Variants in MORC1 observed in about 807,000 individuals in gnomAD.
MORC1 encodes the protein MORC family CW-type zinc finger 1.
In MORC1, 59 loss-of-function variants were observed where a neutral mutation model predicts 134.9. The ratio of observed to expected loss-of-function variants is 0.44; its 90% CI spans 0.35 to 0.54. The LOEUF (loss-of-function observed/expected upper bound fraction) is 0.54, where lower values mean the gene tolerates loss of function less well. MORC1 is among the 20% of genes least tolerant of loss of function. The pLI is 0.00. For missense variants in MORC1, 947 were observed against 1,134.5 expected, an observed-to-expected ratio of 0.83 and a Z score of 2.37; for synonymous variants, 395 against 391.7, an observed-to-expected ratio of 1.01 and a Z score of -0.10.
intron 15 of MORC1, among the ~76,000 whole-genome samples, chr3:109,033,235 T>C (rs1262008916): frequency 3.4e-5 from 5 of 147,738 alleles, no homozygotes; most frequent in Non-Finnish European, 7.4e-5. Context: ...AACCATGATC[T>C]CAACTAGTAT....
chr3:108,986,919 A>T lies in MORC1; in HGVS notation c.2218T>A (p.Leu740Met), dbSNP rs1409064877. 1 of 1,577,702 alleles carries T rather than the reference A, an allele frequency of 6.3e-7. No individual in the cohort carries two copies. Among genetic ancestry groups the T allele is most frequent in the East Asian group, 2.2e-5 (1 of 44,658 alleles). The change falls in exon 22 of 28, where the codon TTG (leucine) becomes ATG (methionine). Residue 740 changes from leucine (L) to methionine (M), a missense_variant. Leu to Met is a conservative substitution (Grantham distance 15). Coordinates refer to ENST00000232603, the MANE Select transcript of MORC1 (RefSeq NM_014429.4). The part of the protein sequence containing the change: ...VSDKSNTDVS[L>M]KQEKKEIPLL... ...GGAATTTCCTTTTTTTCTTGTTTCA[A>T]TGAAACATCAGTGTTGCTTTTATCT...
At chr3:108,965,702 A>G (rs531130456) in intron 26 of MORC1, among the ~76,000 whole-genome samples, 1 of 152,262 alleles carries the variant, frequency 6.6e-6, no homozygotes, top group South Asian at 2.1e-4. Flanking sequence ...TTGATATTGT[A>G]CCATAATTAT....
At chr3:109,000,027 C>T (rs1948356054) in intron 21 of MORC1, among the ~76,000 whole-genome samples, 3 of 152,100 alleles carry the variant, frequency 2.0e-5, no homozygotes, top group Admixed American at 2.0e-4. Flanking sequence ...CAACTCGATT[C>T]TACAGAAGCC....
At chr3:108,959,423 T>C (rs1947021525) in intron 27 of MORC1, among the ~76,000 whole-genome samples, 1 of 152,210 alleles carries the variant, frequency 6.6e-6, no homozygotes, top group African/African-American at 2.4e-5. Context: ...TCATCCTTCT[T>C]TGTTATAGAC....
At chr3:108,999,829 G>T (rs1160759869) in intron 21 of MORC1, among the ~76,000 whole-genome samples, 1 of 152,072 alleles carries the variant, frequency 6.6e-6, no homozygotes, top group Admixed American at 6.6e-5. Context: ...ATACCAAATA[G>T]ATTTTTCCCT....
Position 109,074,594 on chromosome 3 carries a change from T to C in MORC1, c.690-4837A>G, listed in dbSNP as rs116385162. Among the ~76,000 whole-genome samples the C allele has an allele frequency of 5.1e-3, 779 of 152,324 alleles. 17 individuals carry two copies. Among genetic ancestry groups the C allele is most frequent in the African/African-American group, 0.018 (747 of 41,576 alleles). ...CCTAATGAAGATCTCCAATGATCTTTAAGGATGAAGGACAATGGAACTGAC... is the reference window on the plus strand; with the variant it reads ...CCTAATGAAGATCTCCAATGATCTTCAAGGATGAAGGACAATGGAACTGAC... On this transcript the variant is annotated intron_variant, in intron 8 of 27. Transcript: ENST00000232603.
At chr3:109,000,798 T>C in intron 20 of MORC1, 140 bp from the exon 21 acceptor site, 1 of 611,956 alleles carries the variant, frequency 1.6e-6, no homozygotes, top group South Asian at 2.3e-5. Flanking sequence ...TTTCCGATCT[T>C]TGTGTATGAT....
At chr3:109,081,185 T>A (rs959453252) in intron 8 of MORC1, among the ~76,000 whole-genome samples, 3 of 151,888 alleles carry the variant, frequency 2.0e-5, no homozygotes, top group Admixed American at 6.6e-5. Flanking sequence ...CAAAGAAAAA[T>A]GTTGACAGAT....
chr3:109,048,160 G>A (rs1488775577), intron 14 of MORC1, among the ~76,000 whole-genome samples: 1 of 152,136 alleles, frequency 6.6e-6, no homozygotes, highest in Non-Finnish European at 1.5e-5. Flanking sequence ...ATAAACTTAA[G>A]GAAGAACAGA....
At chr3:109,066,114 A>C (rs1023876286) in intron 9 of MORC1, among the ~76,000 whole-genome samples, 3 of 152,108 alleles carry the variant, frequency 2.0e-5, no homozygotes, top group African/African-American at 4.8e-5. Context: ...CCCAAACGTC[A>C]GCATCACACA....
intron 2 of MORC1, among the ~76,000 whole-genome samples, chr3:109,111,244 A>T (rs1280170304): frequency 2.0e-5 from 3 of 152,130 alleles, no homozygotes; most frequent in Non-Finnish European, 4.4e-5. Flanking sequence ...TCTTTGTTAG[A>T]GGTTGGAAAA....
chr3:108,962,600 C>T (rs1313944636), intron 27 of MORC1, among the ~76,000 whole-genome samples: 2 of 152,154 alleles, frequency 1.3e-5, no homozygotes, highest in Non-Finnish European at 2.9e-5. Flanking sequence ...CACTCAGGGC[C>T]TATATTTGAG....
Position 109,098,078 on chromosome 3 carries a change from T to C in MORC1, c.423+1280A>G, listed in dbSNP as rs116041750. ...AAAAGAACAGGCCATTTATTTTTAT[T>C]TTTATTTTATTTTTTTGAGACAGGG... On this transcript the variant is annotated intron_variant, in intron 6 of 27. Coordinates refer to ENST00000232603, the MANE Select transcript of MORC1 (RefSeq NM_014429.4). 5.5e-3 allele frequency among the ~76,000 whole-genome samples: 830 copies of C among 152,170 alleles called. 9 individuals are homozygous for C. Among genetic ancestry groups the C allele is most frequent in the African/African-American group, 0.016 (645 of 41,530 alleles).
intron 6 of MORC1, among the ~76,000 whole-genome samples, chr3:109,097,514 G>C (rs979533154): frequency 1.3e-5 from 2 of 152,170 alleles, no homozygotes; most frequent in Admixed American, 1.3e-4. Flanking sequence ...AGATGACACA[G>C]AAGAGAGGGG....
At chr3:108,970,989 C>T (rs1947362046) in intron 25 of MORC1, among the ~76,000 whole-genome samples, 1 of 152,128 alleles carries the variant, frequency 6.6e-6, no homozygotes, top group South Asian at 2.1e-4. Context: ...GCCTGACCTA[C>T]CCAATCCTCA....
At chr3:109,115,546 A>C (rs1405916547) in intron 1 of MORC1, among the ~76,000 whole-genome samples, 3 of 152,248 alleles carry the variant, frequency 2.0e-5, no homozygotes, top group African/African-American at 4.8e-5. Flanking sequence ...TAAAAGAGAA[A>C]TACGATATGC....
At chr3:109,096,918 G>C (rs1303665128) in intron 6 of MORC1, among the ~76,000 whole-genome samples, 3 of 152,054 alleles carry the variant, frequency 2.0e-5, no homozygotes, top group Admixed American at 2.0e-4. Flanking sequence ...AGGAAGGAAA[G>C]GCTAAGAAAA....
intron 8 of MORC1, among the ~76,000 whole-genome samples, chr3:109,083,113 A>G (rs1283396236): frequency 6.6e-6 from 1 of 152,178 alleles, no homozygotes; most frequent in Non-Finnish European, 1.5e-5. Context: ...ACAGGACAGT[A>G]GACAGTGAAA....
At chr3:109,116,358 A>C (rs1951274510) in intron 1 of MORC1, among the ~76,000 whole-genome samples, 1 of 152,194 alleles carries the variant, frequency 6.6e-6, no homozygotes, top group Non-Finnish European at 1.5e-5. Flanking sequence ...GTGGCAGTGG[A>C]GACAGAGAGA....
Sources: gnomAD v4.1 joint callset for allele counts (sites outside exome capture counted in the v4.1 genomes callset) on GRCh38, gnomAD v4.1.1 for gene constraint, MANE v1.5 for transcripts, NCBI Gene and HGNC (gene_info 2026-07-23, HGNC 2026-07-21) for gene names.